The following CD8B variants were observed in gnomAD, a reference collection of about 807,000 sequenced individuals.
The protein encoded by CD8B is CD8 subunit beta.
CD8B carries 6 observed loss-of-function variants against 24.2 expected under a neutral mutation model. The observed-to-expected ratio is 0.25, with a 90% CI of 0.14 to 0.49. CD8B has a LOEUF of 0.49. CD8B is among the 20% of genes least tolerant of loss of function. The pLI is 0.98. For synonymous variants in CD8B, 84 were observed against 108.3 expected (o/e 0.78, Z 1.39); for missense variants, 196 against 271.3 (o/e 0.72, Z 1.95).
intron 2 of CD8B, among the ~76,000 whole-genome samples, chr2:86,857,440 C>T (rs972310444): frequency 1.1e-4 from 17 of 152,168 alleles, no homozygotes; most frequent in African/African-American, 3.6e-4. Context: ...AATGCCTGGC[C>T]AGGCATGGTG....
At chr2:86,849,806 C>T (rs925187152) in intron 3 of CD8B, among the ~76,000 whole-genome samples, 3 of 150,060 alleles carry the variant, frequency 2.0e-5, no homozygotes, top group Non-Finnish European at 2.9e-5. Flanking sequence ...TGGGTTCAAG[C>T]GATTCTCCTT....
At chr2:86,836,454 A>G (rs973749662), downstream of CD8B, among the ~76,000 whole-genome samples, 6 of 152,164 alleles carry the variant, frequency 3.9e-5, no homozygotes, top group African/African-American at 1.4e-4. Flanking sequence ...CTGGGCACAC[A>G]GAAGTTTCCC....
intron 2 of CD8B, among the ~76,000 whole-genome samples, chr2:86,856,155 C>T (rs1573526670): frequency 6.6e-6 from 1 of 152,314 alleles, no homozygotes; most frequent in Admixed American, 6.5e-5. Context: ...GGTTTGGCTG[C>T]AAGCCAGAGC....
intron 2 of CD8B, among the ~76,000 whole-genome samples, chr2:86,857,285 G>T (rs529382456): frequency 6.6e-6 from 1 of 152,330 alleles, no homozygotes; most frequent in South Asian, 2.1e-4. Flanking sequence ...TATCAGGGCA[G>T]TGAGGGCCTC....
At chr2:86,843,590 G>A in intron 5 of CD8B, 1 of 983,384 alleles carries the variant, frequency 1.0e-6, no homozygotes, top group Non-Finnish European at 1.2e-6. Context: ...GTACAACAAT[G>A]CAGAGCATAT....
chr2:86,815,456 G>A (rs1430683899), downstream of CD8B: 3 of 635,724 alleles, frequency 4.7e-6, no homozygotes, highest in Non-Finnish European at 8.5e-6. Flanking sequence ...GGGGGCCACA[G>A]CTCACCAGGG....
At chr2:86,815,902 A>G (rs929946217) in intron 5 of CD8B, among the ~76,000 whole-genome samples, 10 of 152,204 alleles carry the variant, frequency 6.6e-5, no homozygotes, top group Admixed American at 2.0e-4. Flanking sequence ...ATCCAACCAC[A>G]TTTGATTCAG....
rs572449939 is a variant in CD8B, at chr2:86,840,838, C to T, written c.*1469G>A. 7.5e-4 allele frequency among the ~76,000 whole-genome samples: 114 copies of T among 152,274 alleles called. No homozygotes were observed. Among genetic ancestry groups the T allele is most frequent in the African/African-American group, 2.4e-3 (99 of 41,566 alleles). On this transcript the variant is annotated 3_prime_UTR_variant, in exon 6 of 6. Coordinates refer to ENST00000390655, the MANE Select transcript of CD8B (RefSeq NM_004931.5). ...CCACCACACCTCATTCTGCTGCGGC[C>T]GCACCCCAGATGCCAGGAGAAGGTC... is the stretch of plus-strand genomic sequence containing the variant.
In CD8B at chr2:86,848,275, A is replaced by G. The variant is rs150227361; in HGVS notation, c.494-1502T>C. 4.1e-3 allele frequency among the ~76,000 whole-genome samples: 624 copies of G among 152,294 alleles called. 3 individuals carry two copies. Among genetic ancestry groups the G allele is most frequent in the African/African-American group, 0.014 (600 of 41,566 alleles). ...ACCTTGCTGACCCTTGATATCATCA[A>G]AATGTTTTAGTTTTTGCCAGTCAAG... On this transcript the variant is annotated intron_variant, in intron 3 of 5. Transcript: ENST00000390655.
chr2:86,840,861 G>A lies in CD8B; in HGVS notation c.*1446C>T, dbSNP rs1371246442. On this transcript the variant is annotated 3_prime_UTR_variant, in exon 6 of 6. Transcript: ENST00000390655. The stretch of plus-strand genomic sequence containing the variant: ...GCCGCACCCCAGATGCCAGGAGAAG[G>A]TCACACTGCCCCTTCCCCAGAGTCG... Among the ~76,000 whole-genome samples, 2 of 152,112 alleles carry A rather than the reference G, an allele frequency of 1.3e-5. No individual in the cohort carries two copies. Among genetic ancestry groups the A allele is most frequent in the Admixed American group, 1.3e-4 (2 of 15,264 alleles).
At chr2:86,828,596 A>C (rs1163454689) in intron 5 of CD8B, among the ~76,000 whole-genome samples, 4 of 152,268 alleles carry the variant, frequency 2.6e-5, no homozygotes, top group South Asian at 2.1e-4. Flanking sequence ...TATGATATTC[A>C]CAGCCAATGT....
chr2:86,831,613 T>TC (rs961636633), intron 5 of CD8B, among the ~76,000 whole-genome samples: 9 of 152,214 alleles, frequency 5.9e-5, no homozygotes, highest in Admixed American at 5.9e-4. Context: ...CTGCAATTTT[T>TC]CCCTCTGCTG....
At position 86,838,487 on chromosome 2, in the gene CD8B, CAAG is replaced by C. The variant is rs67897937; in HGVS notation, c.*3817_*3819del. Among the ~76,000 whole-genome samples the C allele has an allele frequency of 0.17, 25,238 of 151,730 alleles. 2,348 individuals carry two copies. The highest frequency in any genetic ancestry group is 0.22 in the Admixed American group (3,298 of 15,254). On this transcript the variant is annotated 3_prime_UTR_variant, in exon 6 of 6. Transcript: ENST00000390655. ...TAAAAAATATGGGAAGAAAAAAAAACAAGAAACTTTTTAGAAAAAATTTATTTT... is the reference window on the plus strand; with the variant it reads ...TAAAAAATATGGGAAGAAAAAAAAACAAACTTTTTAGAAAAAATTTATTTT...
chr2:86,849,649 G>C (rs1347687000), intron 3 of CD8B, among the ~76,000 whole-genome samples: 1 of 151,340 alleles, frequency 6.6e-6, no homozygotes, highest in Non-Finnish European at 1.5e-5. Context: ...CATTGAATTT[G>C]TATGCTTAAA....
At chr2:86,827,637 A>G (rs1674745230) in intron 5 of CD8B, among the ~76,000 whole-genome samples, 1 of 151,776 alleles carries the variant, frequency 6.6e-6, no homozygotes, top group Non-Finnish European at 1.5e-5. Flanking sequence ...AAAAAAAAAA[A>G]ATGTGGGGTA....
At chr2:86,847,169 T>C (rs190111089) in intron 3 of CD8B, among the ~76,000 whole-genome samples, 2,827 of 151,954 alleles carry the variant, frequency 0.019, 91 homozygotes, top group African/African-American at 0.065. Flanking sequence ...ACTCCTGGCC[T>C]CAAGCAATCC....
intron 5 of CD8B, among the ~76,000 whole-genome samples, chr2:86,831,420 C>T (rs1052989669): frequency 2.0e-5 from 3 of 152,142 alleles, no homozygotes; most frequent in African/African-American, 7.2e-5. Context: ...TCATGTAATC[C>T]ACATGTTCAA....
downstream of CD8B, among the ~76,000 whole-genome samples, chr2:86,835,887 A>G (rs1022116353): frequency 1.3e-5 from 2 of 151,382 alleles, no homozygotes. Context: ...CACTGAGGCC[A>G]CTCACTCTTG....
At chr2:86,826,698 C>A (rs1277047851) in intron 5 of CD8B, among the ~76,000 whole-genome samples, 1 of 152,090 alleles carries the variant, frequency 6.6e-6, no homozygotes, top group East Asian at 1.9e-4. Flanking sequence ...TTCCTGTAGA[C>A]GACAGTGTCG....
Sources: gnomAD v4.1 joint callset for allele counts (sites outside exome capture counted in the v4.1 genomes callset) on GRCh38, gnomAD v4.1.1 for gene constraint, MANE v1.5 for transcripts, NCBI Gene and HGNC (gene_info 2026-07-23, HGNC 2026-07-21) for gene names.